Variants in KCNC1 observed in about 807,000 individuals in gnomAD.
KCNC1 encodes voltage-gated potassium channel KCNC1.
KCNC1 carries 8 observed loss-of-function variants against 43.4 expected under a neutral mutation model. That is an observed-to-expected ratio of 0.18 (90% confidence interval 0.11 to 0.33). The LOEUF is 0.33. Among genes scored for constraint, KCNC1 ranks in the 10% least tolerant of loss-of-function variants. The pLI, the probability that KCNC1 is intolerant of heterozygous loss-of-function variation, is 1.00. For missense variants in KCNC1, 420 were observed against 836.0 expected, an observed-to-expected ratio of 0.50 and a Z score of 6.14; for synonymous variants, 361 against 360.5, an observed-to-expected ratio of 1.00 and a Z score of -0.01.
chr11:17,782,100 T>C lies in KCNC1; in HGVS notation c.*366T>C, dbSNP rs1023811479. 4.8e-6 allele frequency: 1 copy of C among 208,174 alleles called. No individual in the cohort carries two copies. The highest frequency in any genetic ancestry group is 9.5e-6 in the Non-Finnish European group (1 of 105,632). 12.9% of individuals were successfully genotyped at this position (208,174 alleles called of 1,614,324 possible). On this transcript the variant is annotated 3_prime_UTR_variant, in exon 4 of 4. Transcript: ENST00000265969. The stretch of plus-strand genomic sequence containing the variant: ...AATGAAAAGAAAAACATCAAAGCCC[T>C]CTATTTTCTTTCAAAGCTCTTGACT...
rs777458040 is a variant in KCNC1, at chr11:17,772,378, C to T, written c.1284C>T (p.Ile428=). ...GTGCGCTGGCGGGCGTGCTCACCAT[C>T]GCCATGCCCGTGCCCGTCATCGTGA... ...ALCALAGVLT[I]AMPVPVIVNN... is the part of the protein sequence containing the mutation. Residue 428 remains isoleucine (I), a synonymous_variant, in exon 2 of 4, where the codon ATC becomes ATT. Transcript: ENST00000265969. 54 of 1,614,052 alleles carry T rather than the reference C, an allele frequency of 3.3e-5. No homozygotes were observed. Among genetic ancestry groups the T allele is most frequent in the Admixed American group, 3.0e-4 (18 of 60,012 alleles).
intron 1 of KCNC1, among the ~76,000 whole-genome samples, chr11:17,738,385 G>T (rs530042983): frequency 2.0e-5 from 3 of 151,088 alleles, no homozygotes; most frequent in Admixed American, 6.6e-5. Flanking sequence ...GTGGGGGTGG[G>T]CAGAGGCCTG....
Position 17,739,387 on chromosome 11 carries a change from G to A in KCNC1, c.570+2815G>A, listed in dbSNP as rs1423562295. Among the ~76,000 whole-genome samples the A allele has an allele frequency of 2.2e-5, 2 of 92,306 alleles. 1 individual carries two copies. The highest frequency in any genetic ancestry group is 5.5e-5 in the Non-Finnish European group (2 of 36,146). 60.6% of individuals were successfully genotyped at this position (92,306 alleles called of 152,430 possible). A position where few individuals can be genotyped will look rare whatever the true frequency, so the allele number is the denominator to read the frequency against. On this transcript the variant is annotated intron_variant, in intron 1 of 3. Coordinates refer to ENST00000265969, the MANE Select transcript of KCNC1 (RefSeq NM_001112741.2). The surrounding 1 kb of genome is among the most constrained non-coding windows in gnomAD (Gnocchi z 4.2). ...CGTGTGTGTGTGTGTGTGTGTGTGT[G>A]TGTGTGTGTGTGGTGAGACTGCGAC...
chr11:17,762,833 C>T (rs1005552443), intron 1 of KCNC1, among the ~76,000 whole-genome samples: 10 of 152,286 alleles, frequency 6.6e-5, no homozygotes, highest in Middle Eastern at 3.4e-3. Flanking sequence ...CATTCCCACC[C>T]GCCAGGCAGC....
intron 2 of KCNC1, chr11:17,775,289 GC>G (rs1192625639): frequency 1.3e-5 from 5 of 372,572 alleles, no homozygotes; most frequent in African/African-American, 4.5e-5. Context: ...CATCCCTCCC[GC>G]CCCCCCAGGC....
At chr11:17,738,012 G>C (rs1005416375) in intron 1 of KCNC1, among the ~76,000 whole-genome samples, 1 of 151,994 alleles carries the variant, frequency 6.6e-6, no homozygotes, top group African/African-American at 2.4e-5. Context: ...CGGGGCGGGC[G>C]GGGGGCAGGT....
intron 1 of KCNC1, among the ~76,000 whole-genome samples, chr11:17,738,543 T>C (rs1488111905): frequency 6.6e-6 from 1 of 152,046 alleles, no homozygotes; most frequent in African/African-American, 2.4e-5. Flanking sequence ...GCACTCAGTG[T>C]TGGGGCTCTG....
Position 17,773,050 on chromosome 11 carries a change from G to A in KCNC1, c.1504+452G>A. On this transcript the variant is annotated intron_variant, in intron 2 of 3. Coordinates refer to ENST00000265969, the MANE Select transcript of KCNC1 (RefSeq NM_001112741.2). The surrounding 1 kb of genome is among the most constrained non-coding windows in gnomAD (Gnocchi z 4.1). The stretch of plus-strand genomic sequence containing the variant: ...CTTACCATGGCTCCCTTCAGGCTGT[G>A]TAGATGGCAGAGATGGTGCATGGGA... 3.9e-6 allele frequency: 4 copies of A among 1,015,684 alleles called. No individual in the cohort carries two copies. In the South Asian group the frequency reaches 1.7e-4, roughly 43 times the overall value. The allele number at this position is 1,015,684 out of a possible 1,614,324, so 62.9% of individuals were successfully genotyped here. A position where few individuals can be genotyped will look rare whatever the true frequency, so the allele number is the denominator to read the frequency against.
At chr11:17,744,631 C>T (rs1418922136) in intron 1 of KCNC1, among the ~76,000 whole-genome samples, 4 of 152,136 alleles carry the variant, frequency 2.6e-5, no homozygotes, top group African/African-American at 9.7e-5. Context: ...GAAAGGCCCA[C>T]TTGGAGCTCC....
At chr11:17,760,098 C>T (rs1849061459) in intron 1 of KCNC1, among the ~76,000 whole-genome samples, 1 of 151,892 alleles carries the variant, frequency 6.6e-6, no homozygotes, top group South Asian at 2.1e-4. Flanking sequence ...TTTGAGGCAC[C>T]TAAGACACAC....
chr11:17,767,750 G>A (rs1156454715), intron 1 of KCNC1, among the ~76,000 whole-genome samples: 1 of 152,216 alleles, frequency 6.6e-6, no homozygotes, highest in Non-Finnish European at 1.5e-5. Flanking sequence ...AGGCGCCCAG[G>A]GAGCCTGAGC....
Position 17,782,071 on chromosome 11 carries a change from C to A in KCNC1, c.*337C>A. On this transcript the variant is annotated 3_prime_UTR_variant, in exon 4 of 4. Coordinates refer to ENST00000265969, the MANE Select transcript of KCNC1 (RefSeq NM_001112741.2). Reference sequence around the variant, plus strand: ...GCAACTGTATGATTACCCTGAACAACAATAATGAAAAGAAAAACATCAAAG... The same window carrying A: ...GCAACTGTATGATTACCCTGAACAAAAATAATGAAAAGAAAAACATCAAAG... 2 of 271,754 alleles carry A rather than the reference C, an allele frequency of 7.4e-6. No individual in the cohort carries two copies. Among genetic ancestry groups the A allele is most frequent in the Middle Eastern group, 1.0e-3 (1 of 954 alleles). 16.8% of individuals were successfully genotyped at this position (271,754 alleles called of 1,614,324 possible). A position where few individuals can be genotyped will look rare whatever the true frequency, so the allele number is the denominator to read the frequency against.
intron 1 of KCNC1, among the ~76,000 whole-genome samples, chr11:17,738,252 C>G (rs1848793479): frequency 6.6e-6 from 1 of 151,986 alleles, no homozygotes; most frequent in Non-Finnish European, 1.5e-5. Context: ...AGAGGGCTTC[C>G]CTCCCCTTCC....
chr11:17,752,359 C>G (rs981928473), intron 1 of KCNC1, among the ~76,000 whole-genome samples: 27 of 152,300 alleles, frequency 1.8e-4, no homozygotes, highest in African/African-American at 6.3e-4. Context: ...AACCAGGTCC[C>G]GATGAGAGTG....
In KCNC1 at chr11:17,739,199, G is replaced by A. The variant is rs58411827; in HGVS notation, c.570+2627G>A. On this transcript the variant is annotated intron_variant, in intron 1 of 3. Coordinates refer to ENST00000265969, the MANE Select transcript of KCNC1 (RefSeq NM_001112741.2). The surrounding 1 kb of genome is among the most constrained non-coding windows in gnomAD (Gnocchi z 4.2). ...CCGAGACTCCTCACACCAGCGGGTC[G>A]GGACTTAAGTCGTTATTCTAGATCT... 0.028 allele frequency among the ~76,000 whole-genome samples: 4,218 copies of A among 152,198 alleles called. 209 individuals are homozygous for A. Among genetic ancestry groups the A allele is most frequent in the African/African-American group, 0.096 (3,992 of 41,486 alleles).
At chr11:17,749,790 C>T (rs1848944763) in intron 1 of KCNC1, among the ~76,000 whole-genome samples, 1 of 152,232 alleles carries the variant, frequency 6.6e-6, no homozygotes, top group Non-Finnish European at 1.5e-5. Flanking sequence ...TCTGCCCTGA[C>T]CCCTGTTCAG....
chr11:17,740,226 C>T (rs1261018187), intron 1 of KCNC1, among the ~76,000 whole-genome samples: 1 of 152,166 alleles, frequency 6.6e-6, no homozygotes, highest in African/African-American at 2.4e-5. Context: ...CTCTGGGCAT[C>T]AGCCTGAGGG....
chr11:17,766,564 CTTGCTAGA>C (rs1849153030), intron 1 of KCNC1, among the ~76,000 whole-genome samples: 1 of 152,128 alleles, frequency 6.6e-6, no homozygotes, highest in Non-Finnish European at 1.5e-5. Flanking sequence ...GACATTATAC[CTTGCTAGA>C]CAGGGGCAGT....
At chr11:17,778,541 C>T (rs1440105426) in intron 2 of KCNC1, among the ~76,000 whole-genome samples, 1 of 152,256 alleles carries the variant, frequency 6.6e-6, no homozygotes, top group Non-Finnish European at 1.5e-5. Flanking sequence ...CTGACCAGGC[C>T]TGCTGGGGAC....
Sources: gnomAD v4.1 joint callset for allele counts (sites outside exome capture counted in the v4.1 genomes callset) on GRCh38, gnomAD v4.1.1 for gene constraint, Gnocchi (gnomAD v3.1) non-coding constraint, MANE v1.5 for transcripts, NCBI Gene and HGNC (gene_info 2026-07-23, HGNC 2026-07-21) for gene names.